The following ATRAID variants were observed in gnomAD, a reference collection of about 807,000 sequenced individuals.
ATRAID encodes all-trans retinoic acid induced differentiation factor, also known as all-trans retinoic acid-induced differentiation factor.
In ATRAID, 26 loss-of-function variants were observed where a neutral mutation model predicts 28.8. The ratio of observed to expected loss-of-function variants is 0.90; its 90% CI spans 0.66 to 1.25. The LOEUF (loss-of-function observed/expected upper bound fraction) is 1.25, where lower values mean the gene tolerates loss of function less well. Among genes scored for constraint, ATRAID ranks in the 50% most tolerant of loss-of-function variants. The pLI is 0.00. For missense variants in ATRAID, 308 were observed against 285.9 expected (o/e 1.08, Z -0.56); for synonymous variants, 131 against 108.5 (o/e 1.21, Z -1.29).
chr2:27,216,763 A>G, intron 6 of ATRAID, 81 bp from the exon 7 acceptor site: 4 of 1,436,592 alleles, frequency 2.8e-6, no homozygotes, highest in African/African-American at 1.4e-5. Context: ...AGTGATAGGT[A>G]TATTAGGAAA....
chr2:27,216,549 G>T lies in ATRAID; in HGVS notation c.514G>T (p.Val172Leu). 6.2e-7 allele frequency: 1 copy of T among 1,614,062 alleles called. No individual in the cohort carries two copies. Among genetic ancestry groups the T allele is most frequent in the South Asian group, 1.1e-5 (1 of 91,086 alleles). ...AATGTGTCCTGAGAATGGATCTTGTGTACCTGATGGTCCAGGTCTTTTGCA... is the reference window on the plus strand; with the variant it reads ...AATGTGTCCTGAGAATGGATCTTGTTTACCTGATGGTCCAGGTCTTTTGCA... ...PEMCPENGSC[V>L]PDGPGLLQCV... Residue 172 changes from valine to leucine, a missense_variant, in exon 6 of 7, where the codon GTA (valine) becomes TTA (leucine). By Grantham distance (32) the Val-to-Leu change is conservative. Coordinates refer to ENST00000380171, the MANE Select transcript of ATRAID (RefSeq NM_001170795.4).
intron 5 of ATRAID, among the ~76,000 whole-genome samples, 188 bp downstream of exon 5, chr2:27,215,941 C>T (rs148661974): frequency 6.6e-6 from 1 of 152,240 alleles, no homozygotes; most frequent in Non-Finnish European, 1.5e-5. Context: ...AAAGAGACCA[C>T]CAAACAGGCT....
chr2:27,215,901 C>T (rs1489810729), intron 5 of ATRAID, 148 bp downstream of exon 5: 3 of 1,123,884 alleles, frequency 2.7e-6, no homozygotes, highest in Admixed American at 5.4e-5. Context: ...TTAAGATATA[C>T]TCTATTATTT....
intron 2 of ATRAID, among the ~76,000 whole-genome samples, chr2:27,214,898 A>T (rs1674763241): frequency 6.6e-6 from 1 of 152,226 alleles, no homozygotes; most frequent in Non-Finnish European, 1.5e-5. Flanking sequence ...AGTAGCTACT[A>T]ACGTGGTTAT....
At position 27,215,384 on chromosome 2, in the gene ATRAID, T is replaced by C; in HGVS notation, c.285T>C (p.Thr95=). 6.2e-7 allele frequency: 1 copy of C among 1,614,194 alleles called. No individual in the cohort carries two copies. Among genetic ancestry groups the C allele is most frequent in the Non-Finnish European group, 8.5e-7 (1 of 1,180,026 alleles). Residue 95 remains threonine, a synonymous_variant, in exon 3 of 7, where the codon ACT becomes ACC. Transcript: ENST00000380171. ...CAAACTTTCATCAGGCACATACCAC[T>C]GTCATCATGTAAGTAGTTAGGTACC... ...PGPNFHQAHT[T]VIIDLQANPL... is the part of the protein sequence containing the mutation.
Position 27,212,058 on chromosome 2 carries a change from C to T in ATRAID, c.-311C>T. On this transcript the variant is annotated 5_prime_UTR_variant, in exon 1 of 7. Transcript: ENST00000380171. ...AGGGGCCCGAGTTTCTGCGAAGCCG[C>T]GACCTCGGCGTCCGGACGCGGGGAA... 2.7e-6 allele frequency: 3 copies of T among 1,104,798 alleles called. No individual in the cohort carries two copies. The South Asian group carries it at 4.8e-5, about 18-fold the overall frequency. The allele number at this position is 1,104,798 out of a possible 1,614,324, so 68.4% of individuals were successfully genotyped here.
At position 27,215,734 on chromosome 2, in the gene ATRAID, C is replaced by CA. The variant is rs1413271399; in HGVS notation, c.470dup (p.Asn157LysfsTer2). The CA allele has an allele frequency of 1.2e-6, 2 of 1,614,064 alleles. No individual in the cohort carries two copies. The highest frequency in any genetic ancestry group is 1.1e-5 in the South Asian group (1 of 91,078). ...TCTGTCAAGGGCAAAAGAACCTTTG[C>CA]AATAACACTGGGGACCCAGGTATGC... On this transcript the variant is annotated frameshift_variant, in exon 5 of 7. Coordinates refer to ENST00000380171, the MANE Select transcript of ATRAID (RefSeq NM_001170795.4). LOFTEE classifies it high-confidence loss of function.
Position 27,212,288 on chromosome 2 carries a change from C to G in ATRAID, c.-81C>G, listed in dbSNP as rs202067119. Reference sequence around the variant, plus strand: ...TGGACCGGGCCGCTTAGGCCACGCCCGGGGAAGAGGGCCTGACGCGCTGCG... The same window carrying G: ...TGGACCGGGCCGCTTAGGCCACGCCGGGGGAAGAGGGCCTGACGCGCTGCG... On this transcript the variant is annotated 5_prime_UTR_variant, in exon 1 of 7. Coordinates refer to ENST00000380171, the MANE Select transcript of ATRAID (RefSeq NM_001170795.4). 5.3e-5 allele frequency: 83 copies of G among 1,553,086 alleles called. No individual in the cohort carries two copies. The East Asian group carries it at 6.0e-4, about 11-fold the overall frequency.
In ATRAID at chr2:27,213,261, G is replaced by T; in HGVS notation, c.184G>T (p.Ala62Ser). The change falls in exon 2 of 7, where the codon GCC becomes TCC. Residue 62 changes from alanine (A) to serine (S), a missense_variant. Transcript: ENST00000380171. ...AACGACACGAGAGCTAATGCTGCATGCCCGTTGCTGCCTGAATCAGAAGGG... is the reference window on the plus strand; with the variant it reads ...AACGACACGAGAGCTAATGCTGCATTCCCGTTGCTGCCTGAATCAGAAGGG... ...CKTTRELMLHARCCLNQKGTI... is the reference protein window; with the variant it reads ...CKTTRELMLHSRCCLNQKGTI... 1 of 1,614,176 alleles carries T rather than the reference G, an allele frequency of 6.2e-7. No individual in the cohort carries two copies. The highest frequency in any genetic ancestry group is 8.5e-7 in the Non-Finnish European group (1 of 1,180,026).
In ATRAID at chr2:27,212,452, T is replaced by A; in HGVS notation, c.84T>A (p.Ala28=). 1 of 1,563,618 alleles carries A rather than the reference T, an allele frequency of 6.4e-7. No homozygotes were observed. Residue 28 remains alanine, a synonymous_variant, in exon 1 of 7, where the codon GCT becomes GCA. Coordinates refer to ENST00000380171, the MANE Select transcript of ATRAID (RefSeq NM_001170795.4). ...TCCTCGCTCTGGGCGTGGAAAGGGCTCTGGCGCTACCCGAGGTACAGAAGC... is the reference window on the plus strand; with the variant it reads ...TCCTCGCTCTGGGCGTGGAAAGGGCACTGGCGCTACCCGAGGTACAGAAGC... ...ALLLALGVER[A]LALPEICTQC... is the part of the protein sequence containing the mutation.
chr2:27,216,130 T>G (rs1674819819), intron 5 of ATRAID, among the ~76,000 whole-genome samples: 1 of 152,046 alleles, frequency 6.6e-6, no homozygotes, highest in Non-Finnish European at 1.5e-5. Context: ...TTCTCAAGGG[T>G]GGGGAGAATT....
chr2:27,213,623 T>C (rs1226048441), intron 2 of ATRAID, among the ~76,000 whole-genome samples: 1 of 152,198 alleles, frequency 6.6e-6, no homozygotes, highest in East Asian at 1.9e-4. Flanking sequence ...AAACCAACAT[T>C]TTCCATTATC....
chr2:27,216,781 G>A (rs767537168), intron 6 of ATRAID, 63 bp from the exon 7 acceptor site: 1 of 1,483,032 alleles, frequency 6.7e-7, no homozygotes, highest in Non-Finnish European at 9.4e-7. Flanking sequence ...AAAGAACTAG[G>A]TGTTAGGATG....
chr2:27,215,286 AAC>A (rs1297638497), intron 2 of ATRAID, 33 bp from the exon 3 acceptor site: 21 of 1,602,434 alleles, frequency 1.3e-5, no homozygotes, highest in African/African-American at 4.0e-5. Context: ...GAAAAAGAGG[AAC>A]ACACAGTTAT....
chr2:27,212,081 G>A lies in ATRAID; in HGVS notation c.-288G>A. On this transcript the variant is annotated 5_prime_UTR_variant, in exon 1 of 7. Coordinates refer to ENST00000380171, the MANE Select transcript of ATRAID (RefSeq NM_001170795.4). ...CGCGACCTCGGCGTCCGGACGCGGG[G>A]AACACCGGGCTGAGGGAGTCTGCAG... is the stretch of plus-strand genomic sequence containing the variant. 3 of 1,327,156 alleles carry A rather than the reference G, an allele frequency of 2.3e-6. No individual in the cohort carries two copies. The highest frequency in any genetic ancestry group is 3.0e-5 in the East Asian group (1 of 33,448). 82.2% of individuals were successfully genotyped at this position (1,327,156 alleles called of 1,614,324 possible).
chr2:27,215,239 G>T, intron 2 of ATRAID, 82 bp from the exon 3 acceptor site: 2 of 1,347,784 alleles, frequency 1.5e-6, no homozygotes, highest in South Asian at 1.2e-5. Flanking sequence ...CTGAAAAGGG[G>T]GTTGTGTAGT....
At chr2:27,215,028 G>A (rs1674767603) in intron 2 of ATRAID, among the ~76,000 whole-genome samples, 1 of 152,120 alleles carries the variant, frequency 6.6e-6, no homozygotes, top group African/African-American at 2.4e-5. Flanking sequence ...TGAATTCCTA[G>A]GTTCAAGTGA....
chr2:27,212,512 C>T (rs1317925433), intron 1 of ATRAID, 45 bp downstream of exon 1: 1 of 1,523,434 alleles, frequency 6.6e-7, no homozygotes, highest in Admixed American at 2.3e-5. Context: ...GGTCGCTGGC[C>T]AGCCGTGCGT....
At chr2:27,213,367 T>C in intron 2 of ATRAID, 69 bp downstream of exon 2, 6 of 1,541,356 alleles carry the variant, frequency 3.9e-6, no homozygotes, top group Admixed American at 4.1e-5. Context: ...TATACCCTTA[T>C]ATTATTTAAA....
Sources: allele counts gnomAD v4.1 joint callset (sites outside exome capture counted in the v4.1 genomes callset), GRCh38; gene constraint gnomAD v4.1.1; transcripts MANE v1.5; gene names NCBI Gene and HGNC (gene_info 2026-07-23, HGNC 2026-07-21).